The following SCHIP1 variants were observed in gnomAD, a reference collection of about 807,000 sequenced individuals.
The protein encoded by SCHIP1 is schwannomin interacting protein 1.
In SCHIP1, 8 loss-of-function variants were observed where a neutral mutation model predicts 29.7. The ratio of observed to expected loss-of-function variants is 0.27; its 90% confidence interval spans 0.16 to 0.49. SCHIP1 has a LOEUF of 0.49. SCHIP1 is among the 20% of genes least tolerant of loss of function. The pLI is 0.99. For synonymous variants in SCHIP1, 76 were observed against 94.9 expected, an observed-to-expected ratio of 0.80 and a Z score of 1.16; for missense variants, 193 against 294.6, an observed-to-expected ratio of 0.66 and a Z score of 2.52.
chr3:159,440,500 A>G, the SCHIP1 span, among the ~76,000 whole-genome samples: 1 of 152,210 alleles, frequency 6.6e-6, no homozygotes, highest in South Asian at 2.1e-4. Flanking sequence ...AGAAAGAAGG[A>G]CAAGAAATGA....
the SCHIP1 span, among the ~76,000 whole-genome samples, chr3:159,626,585 G>C: frequency 1.3e-5 from 2 of 152,062 alleles, no homozygotes; most frequent in African/African-American, 4.8e-5. Flanking sequence ...AACTCAAGAG[G>C]TTAAAAAATT....
the SCHIP1 span, among the ~76,000 whole-genome samples, chr3:159,626,111 TAG>T: frequency 2.5e-5 from 3 of 118,756 alleles, no homozygotes; most frequent in African/African-American, 1.8e-4. Context: ...GATAGATAGA[TAG>T]ATAGATAGAT....
chr3:159,523,925 T>C, the SCHIP1 span, among the ~76,000 whole-genome samples: 1 of 152,234 alleles, frequency 6.6e-6, no homozygotes, highest in Non-Finnish European at 1.5e-5. Context: ...ATCAGCTTAA[T>C]TGCTGAATCC....
upstream of SCHIP1, chr3:159,839,718 G>T: frequency 6.3e-6 from 1 of 158,024 alleles, no homozygotes; most frequent in Non-Finnish European, 1.1e-5. Context: ...GGTTAGAAAT[G>T]TTCAACTGCA....
chr3:159,586,186 C>G, the SCHIP1 span, among the ~76,000 whole-genome samples: 3 of 152,084 alleles, frequency 2.0e-5, no homozygotes, highest in African/African-American at 7.2e-5. Flanking sequence ...TAAGGACATT[C>G]GTCCCTAGGT....
chr3:159,866,430 C>G, intron 2 of SCHIP1, 149 bp downstream of exon 3: 1 of 675,314 alleles, frequency 1.5e-6, no homozygotes, highest in East Asian at 2.9e-5. Context: ...TTAGACAGAC[C>G]CTTCCCCACT....
At chr3:159,826,568 T>C in the SCHIP1 span, among the ~76,000 whole-genome samples, 1 of 152,178 alleles carries the variant, frequency 6.6e-6, no homozygotes, top group Non-Finnish European at 1.5e-5. Flanking sequence ...TAGATGGTGT[T>C]CATTTTCCTA....
At chr3:159,604,446 G>C in the SCHIP1 span, among the ~76,000 whole-genome samples, 5 of 152,126 alleles carry the variant, frequency 3.3e-5, no homozygotes, top group Admixed American at 1.3e-4. Context: ...GCATGATACG[G>C]GTGACCACAG....
At chr3:159,712,655 G>T in the SCHIP1 span, among the ~76,000 whole-genome samples, 1 of 151,890 alleles carries the variant, frequency 6.6e-6, no homozygotes, top group Non-Finnish European at 1.5e-5. Flanking sequence ...GCTGAAGGCT[G>T]CAGTGAACTA....
the SCHIP1 span, among the ~76,000 whole-genome samples, chr3:159,549,146 A>AG: frequency 1.1e-4 from 16 of 152,186 alleles, no homozygotes; most frequent in Non-Finnish European, 1.6e-4. Flanking sequence ...TGACTCATGC[A>AG]ATGCATGACC....
chr3:159,492,393 G>A, the SCHIP1 span, among the ~76,000 whole-genome samples: 1 of 152,174 alleles, frequency 6.6e-6, no homozygotes, highest in African/African-American at 2.4e-5. Context: ...AACCAATGCA[G>A]AGAAGTCCTT....
the SCHIP1 span, among the ~76,000 whole-genome samples, chr3:159,510,950 A>G: frequency 2.8e-4 from 43 of 152,222 alleles, no homozygotes; most frequent in African/African-American, 1.0e-3. Context: ...GTCCGTTCTC[A>G]GATCTCAAAC....
intron 2 of SCHIP1, among the ~76,000 whole-genome samples, chr3:159,868,881 A>G (rs1214184653): frequency 6.6e-6 from 1 of 152,088 alleles, no homozygotes; most frequent in Non-Finnish European, 1.5e-5. Flanking sequence ...ACTGTTTTCC[A>G]ACATGGTTGC....
the SCHIP1 span, among the ~76,000 whole-genome samples, chr3:159,741,508 A>G: frequency 1.3e-5 from 2 of 152,258 alleles, no homozygotes; most frequent in African/African-American, 4.8e-5. Context: ...CCTTACTCTC[A>G]AACTGCATGC....
chr3:159,727,198 A>C, the SCHIP1 span, among the ~76,000 whole-genome samples: 1 of 152,250 alleles, frequency 6.6e-6, no homozygotes, highest in African/African-American at 2.4e-5. Flanking sequence ...CTTTTCTAAA[A>C]AGAAAGATGT....
the SCHIP1 span, among the ~76,000 whole-genome samples, chr3:159,462,326 T>C: frequency 6.6e-6 from 1 of 152,184 alleles, no homozygotes; most frequent in African/African-American, 2.4e-5. Flanking sequence ...GCACCATTGC[T>C]GATGGAGATA....
the SCHIP1 span, among the ~76,000 whole-genome samples, chr3:159,296,660 C>A: frequency 6.6e-6 from 1 of 151,994 alleles, no homozygotes; most frequent in African/African-American, 2.4e-5. Flanking sequence ...CCTGTAATCC[C>A]AGCTACTCAG....
the SCHIP1 span, among the ~76,000 whole-genome samples, chr3:159,452,271 GT>G: frequency 6.6e-6 from 1 of 151,658 alleles, no homozygotes; most frequent in Non-Finnish European, 1.5e-5. Context: ...CATGAATTAG[GT>G]ATTTGTCTTA....
the SCHIP1 span, among the ~76,000 whole-genome samples, chr3:159,295,433 A>AAGTC: frequency 6.6e-6 from 1 of 151,554 alleles, no homozygotes. Flanking sequence ...CATCTCACAA[A>AAGTC]AGTCAATCAA....
Sources: gnomAD v4.1 joint callset for allele counts (sites outside exome capture counted in the v4.1 genomes callset) on GRCh38, gnomAD v4.1.1 for gene constraint, MANE v1.5 for transcripts, NCBI Gene and HGNC (gene_info 2026-07-23, HGNC 2026-07-21) for gene names.